HDGFL3: variants seen among roughly 807,000 people sequenced by gnomAD.
HDGFL3 encodes the protein HDGF like 3, also known as hepatoma-derived growth factor-related protein 3.
Under a neutral mutation model 27.6 loss-of-function variants are expected in HDGFL3, and 6 were observed. The ratio of observed to expected loss-of-function variants is 0.22; its 90% CI spans 0.12 to 0.43. HDGFL3 has a LOEUF of 0.43. Ranked by LOEUF, HDGFL3 falls within the 20% of genes least tolerant of loss-of-function variation. The pLI is 1.00. For synonymous variants in HDGFL3, 88 were observed against 88.9 expected, an observed-to-expected ratio of 0.99 and a Z score of 0.05; for missense variants, 207 against 250.1, an observed-to-expected ratio of 0.83 and a Z score of 1.16.
intron 1 of HDGFL3, chr15:83,169,366 G>C (rs925746346): frequency 5.0e-6 from 1 of 201,620 alleles, no homozygotes; most frequent in African/African-American, 3.0e-5. Context: ...AGTGAGCCGA[G>C]ATCGCGCCAC....
intron 1 of HDGFL3, among the ~76,000 whole-genome samples, chr15:83,166,801 G>C (rs2037176609): frequency 6.6e-6 from 1 of 152,108 alleles, no homozygotes; most frequent in African/African-American, 2.4e-5. Flanking sequence ...AAGGGGGAAG[G>C]TGCTACACAC....
intron 1 of HDGFL3, among the ~76,000 whole-genome samples, chr15:83,166,523 G>A (rs1192015424): frequency 1.3e-5 from 2 of 152,176 alleles, no homozygotes; most frequent in Admixed American, 1.3e-4. Context: ...TGGGTACAGA[G>A]CCTGCAGACC....
At chr15:83,142,025 T>A (rs921518669) in intron 5 of HDGFL3, among the ~76,000 whole-genome samples, 1 of 152,158 alleles carries the variant, frequency 6.6e-6, no homozygotes, top group African/African-American at 2.4e-5. Context: ...AAATAACAGA[T>A]GCTGGCAAGG....
chr15:83,178,670 A>G (rs77205759), intron 1 of HDGFL3, among the ~76,000 whole-genome samples: 1 of 151,684 alleles, frequency 6.6e-6, no homozygotes, highest in Non-Finnish European at 1.5e-5. Flanking sequence ...AATAAAGAAG[A>G]AAAAAAAAGT....
downstream of HDGFL3, among the ~76,000 whole-genome samples, chr15:83,125,351 ATT>A (rs142911439): frequency 6.0e-3 from 913 of 152,270 alleles, 13 homozygotes; most frequent in African/African-American, 0.021. Context: ...CTTTATTAAT[ATT>A]TTACTGCAGA....
At chr15:83,187,687 G>A (rs1220555677) in intron 1 of HDGFL3, among the ~76,000 whole-genome samples, 1 of 151,900 alleles carries the variant, frequency 6.6e-6, no homozygotes, top group Non-Finnish European at 1.5e-5. Flanking sequence ...TCCGGAGTTC[G>A]AGACCAGCCT....
intron 1 of HDGFL3, among the ~76,000 whole-genome samples, chr15:83,165,794 C>CAAAAAAAAAAAAAAAAAAAAAAA (rs57873221): frequency 7.2e-5 from 1 of 13,848 alleles, no homozygotes; most frequent in Non-Finnish European, 1.8e-4. Context: ...GAATCCATCT[C>CAAAAAAAAAAAAAAAAAAAAAAA]AAAAAAAAAA....
downstream of HDGFL3, among the ~76,000 whole-genome samples, chr15:83,125,328 T>C (rs1326051289): frequency 6.6e-6 from 1 of 152,158 alleles, no homozygotes; most frequent in South Asian, 2.1e-4. Context: ...GCATTTCATG[T>C]TTTCTATTTT....
intron 1 of HDGFL3, among the ~76,000 whole-genome samples, chr15:83,204,885 A>C (rs1055364633): frequency 6.6e-6 from 1 of 152,222 alleles, no homozygotes; most frequent in Non-Finnish European, 1.5e-5. Flanking sequence ...CTTGACCTAC[A>C]TTCCTCACAA....
intron 1 of HDGFL3, among the ~76,000 whole-genome samples, chr15:83,169,584 T>C (rs1423243006): frequency 6.6e-6 from 1 of 151,896 alleles, no homozygotes; most frequent in Non-Finnish European, 1.5e-5. Flanking sequence ...GGAGGGTAAC[T>C]TGAGGTCAGG....
Position 83,156,701 on chromosome 15 carries a change from C to CT in HDGFL3, c.459+713dup, listed in dbSNP as rs963018911. ...GACAAAATTGCCTAATGATGCATTT[C>CT]TTTTTTTTTTGAGATGGAGTCTCGC... On this transcript the variant is annotated intron_variant, in intron 4 of 5. Coordinates refer to ENST00000299633, the MANE Select transcript of HDGFL3 (RefSeq NM_016073.4). Among the ~76,000 whole-genome samples the CT allele has an allele frequency of 2.8e-4, 41 of 148,984 alleles. 1 individual carries two copies. Among genetic ancestry groups the CT allele is most frequent in the East Asian group, 1.2e-3 (6 of 5,102 alleles).
intron 1 of HDGFL3, among the ~76,000 whole-genome samples, chr15:83,169,715 C>T (rs1325043106): frequency 1.3e-5 from 2 of 151,440 alleles, no homozygotes; most frequent in African/African-American, 4.9e-5. Flanking sequence ...ACACGAGAAT[C>T]ACTTGAACCC....
At chr15:83,163,922 G>T in intron 2 of HDGFL3, 77 bp downstream of exon 2, 3 of 903,154 alleles carry the variant, frequency 3.3e-6, no homozygotes, top group Admixed American at 3.9e-5. Context: ...TAAGACGTAA[G>T]ATGTCAGAGA....
At chr15:83,147,149 A>G (rs1596546994) in intron 5 of HDGFL3, among the ~76,000 whole-genome samples, 1 of 150,664 alleles carries the variant, frequency 6.6e-6, no homozygotes, top group Non-Finnish European at 1.5e-5. Context: ...TGCAACCTCC[A>G]CCTCCCGGGT....
At chr15:83,124,575 A>G, downstream of HDGFL3, 4 of 939,112 alleles carry the variant, frequency 4.3e-6, no homozygotes, top group Non-Finnish European at 6.7e-6. Context: ...TGCATCTTCA[A>G]AATTCTCTTA....
At chr15:83,155,916 CA>C (rs2037023275) in intron 4 of HDGFL3, among the ~76,000 whole-genome samples, 1 of 152,156 alleles carries the variant, frequency 6.6e-6, no homozygotes, top group Non-Finnish European at 1.5e-5. Context: ...GAATAATTTT[CA>C]CAATCTCAGA....
rs1377515099 is a variant in HDGFL3 at position 83,133,334 on chromosome 15, A to G, written c.*5936T>C. The G allele has an allele frequency of 6.6e-6, 1 of 152,030 alleles. No homozygotes were observed. The highest frequency in any genetic ancestry group is 2.4e-5 in the African/African-American group (1 of 41,392). 9.4% of individuals were successfully genotyped at this position (152,030 alleles called of 1,614,324 possible). On this transcript the variant is annotated 3_prime_UTR_variant, in exon 6 of 6. Coordinates refer to ENST00000299633, the MANE Select transcript of HDGFL3 (RefSeq NM_016073.4). Reference sequence around the variant, plus strand: ...TATAACATTCACATGGACATATAACACTCTTTCAGTTCCTCCTTGTGGAAC... The same window carrying G: ...TATAACATTCACATGGACATATAACGCTCTTTCAGTTCCTCCTTGTGGAAC...
downstream of HDGFL3, among the ~76,000 whole-genome samples, chr15:83,123,479 C>T (rs1218693562): frequency 6.6e-6 from 1 of 152,136 alleles, no homozygotes; most frequent in Non-Finnish European, 1.5e-5. Context: ...TTTTACTTTT[C>T]TAGGTATTAG....
intron 1 of HDGFL3, chr15:83,192,424 C>T (rs1229213263): frequency 4.9e-6 from 2 of 407,352 alleles, no homozygotes; most frequent in Non-Finnish European, 9.7e-6. Context: ...CCAATATATG[C>T]CACAGTTAAG....
Sources: gnomAD v4.1 joint callset for allele counts (sites outside exome capture counted in the v4.1 genomes callset) on GRCh38, gnomAD v4.1.1 for gene constraint, MANE v1.5 for transcripts, NCBI Gene and HGNC (gene_info 2026-07-23, HGNC 2026-07-21) for gene names.